The following SLC12A5 variants were observed in gnomAD, a reference collection of about 807,000 sequenced individuals.
SLC12A5 encodes solute carrier family 12 member 5.
SLC12A5 carries 18 observed loss-of-function variants against 124.0 expected under a neutral mutation model. The observed-to-expected ratio is 0.15, with a 90% CI of 0.10 to 0.22. The LOEUF is 0.22. Ranked by LOEUF, SLC12A5 falls within the 10% of genes least tolerant of loss-of-function variation. The pLI is 1.00. For missense variants in SLC12A5, 867 were observed against 1,478.7 expected, an observed-to-expected ratio of 0.59 and a Z score of 6.78; for synonymous variants, 589 against 568.0, an observed-to-expected ratio of 1.04 and a Z score of -0.53.
chr20:46,029,157 C>T (rs1458854018), upstream of SLC12A5: 15 of 1,402,590 alleles, frequency 1.1e-5, no homozygotes, highest in Non-Finnish European at 1.2e-5. Flanking sequence ...TGAGAGGGGG[C>T]GCGCGCGGGT....
intron 7 of SLC12A5, 134 bp from the exon 8 acceptor site, chr20:46,041,195 A>C: frequency 1.4e-6 from 1 of 719,002 alleles, no homozygotes; most frequent in Non-Finnish European, 2.3e-6. Context: ...GCCAGGCTTC[A>C]TTTAAATTAA....
intron 8 of SLC12A5, 128 bp from the exon 9 acceptor site, chr20:46,043,025 A>C (rs577133023): frequency 1.1e-6 from 1 of 902,372 alleles, no homozygotes; most frequent in East Asian, 2.4e-5. Context: ...AATGAAATAG[A>C]GATAAGGCCG....
intron 1 of SLC12A5, among the ~76,000 whole-genome samples, chr20:46,022,429 G>A (rs770989150): frequency 5.8e-5 from 8 of 137,834 alleles, no homozygotes; most frequent in Non-Finnish European, 9.4e-5. Flanking sequence ...GGGTGGGGTC[G>A]AGGGCGGGAG....
chr20:46,022,702 C>T, intron 1 of SLC12A5: 1 of 397,954 alleles, frequency 2.5e-6, no homozygotes, highest in Non-Finnish European at 4.4e-6. Context: ...GGAGCCAGCT[C>T]AGGCGGGGTT....
In SLC12A5 at chr20:46,049,676, C is replaced by T. The variant is rs1383910539; in HGVS notation, c.2067C>T (p.Pro689=). Residue 689 remains proline (P), a synonymous_variant, in exon 17 of 26, where the codon CCC becomes CCT. Transcript: ENST00000243964. The part of the protein sequence containing the change: ...RVDQDQNVVH[P]QLLSLTSQLK... ...ACCAAGACCAGAATGTGGTGCACCC[C>T]CAGCTGCTCTCACTGACCTCCCAGC... 1.9e-6 allele frequency: 3 copies of T among 1,606,234 alleles called. No homozygotes were observed. The highest frequency in any genetic ancestry group is 2.5e-6 in the Non-Finnish European group (3 of 1,176,670).
chr20:46,055,989 T>C (rs2084687200), intron 21 of SLC12A5, 161 bp from the exon 22 acceptor site: 1 of 964,410 alleles, frequency 1.0e-6, no homozygotes, highest in African/African-American at 1.7e-5. Flanking sequence ...GGCAGATCAG[T>C]GGTGCAGTAG....
At chr20:46,055,303 G>A (rs1483931131) in intron 21 of SLC12A5, among the ~76,000 whole-genome samples, 1 of 152,202 alleles carries the variant, frequency 6.6e-6, no homozygotes, top group East Asian at 1.9e-4. Flanking sequence ...AAGAGTGGAT[G>A]CTAAATACGT....
chr20:46,051,199 T>C (rs2084643145), intron 17 of SLC12A5, among the ~76,000 whole-genome samples: 1 of 152,208 alleles, frequency 6.6e-6, no homozygotes, highest in African/African-American at 2.4e-5. Flanking sequence ...ATTTCCCTCA[T>C]AGTACAGTTT....
chr20:46,046,856 A>T (rs954203966), intron 14 of SLC12A5, among the ~76,000 whole-genome samples: 2 of 152,222 alleles, frequency 1.3e-5, no homozygotes, highest in African/African-American at 4.8e-5. Context: ...GGTTCTTGTG[A>T]GGACTACAGT....
At chr20:46,023,010 G>A (rs976441682) in exon 2 of SLC12A5, 3 of 405,748 alleles carry the variant, frequency 7.4e-6, no homozygotes, top group Non-Finnish European at 1.3e-5. Context: ...AGGAAGAGGA[G>A]GAGGAGGAGA....
chr20:46,036,547 G>T, intron 4 of SLC12A5, 194 bp from the exon 5 acceptor site: 1 of 506,532 alleles, frequency 2.0e-6, no homozygotes, highest in South Asian at 2.3e-5. Flanking sequence ...GGCTCCTTCC[G>T]TTCGCATGGT....
At position 46,053,591 on chromosome 20, in the gene SLC12A5, G is replaced by C. The variant is rs1275771310; in HGVS notation, c.2561G>C (p.Cys854Ser). The C allele has an allele frequency of 1.2e-6, 2 of 1,613,916 alleles. No homozygotes were observed. The highest frequency in any genetic ancestry group is 1.7e-6 in the Non-Finnish European group (2 of 1,179,846). ...CATCGCCTGCAGGTCTGGCGGAAGTGCAAGATGCGTATCTTCACTGTGGCC... is the reference window on the plus strand; with the variant it reads ...CATCGCCTGCAGGTCTGGCGGAAGTCCAAGATGCGTATCTTCACTGTGGCC... ...LLRHHKVWRK[C>S]KMRIFTVAQM... The change falls in exon 20 of 26, where the codon TGC becomes TCC. Residue 854 changes from cysteine to serine, a missense_variant. By Grantham distance (112) the Cys-to-Ser change is moderately radical. Around this residue, in one of 9 missense-constraint regions of SLC12A5, gnomAD observed 70 missense variants for 157.2 expected, o/e 0.45. Coordinates refer to ENST00000243964, the MANE Select transcript of SLC12A5 (RefSeq NM_020708.5). This position sits in a 1 kb window ranked among gnomAD's most constrained non-coding sequence, Gnocchi z 4.7.
At chr20:46,035,065 CCCCCA>C (rs1416945988) in intron 2 of SLC12A5, 23 bp downstream of exon 2, 1 of 1,606,094 alleles carries the variant, frequency 6.2e-7, no homozygotes, top group African/African-American at 1.3e-5. Context: ...GGCTGTTGGG[CCCCCA>C]CCTACAATTC....
In SLC12A5 at chr20:46,057,590, C is replaced by T. The variant is rs2084708296; in HGVS notation, c.3336C>T (p.Ile1112=). The part of the protein sequence containing the change: ...MLVRGGGREV[I]TIYS ...TCCGCGGCGGCGGCCGCGAGGTCAT[C>T]ACCATCTACTCCTGAGAACCAGGAC... Residue 1112 remains isoleucine (I), a synonymous_variant, in exon 26 of 26, where the codon ATC becomes ATT. Coordinates refer to ENST00000243964, the MANE Select transcript of SLC12A5 (RefSeq NM_020708.5). This position sits in a 1 kb window ranked among gnomAD's most constrained non-coding sequence, Gnocchi z 7.1. 6.2e-7 allele frequency: 1 copy of T among 1,613,784 alleles called. No homozygotes were observed. Among genetic ancestry groups the T allele is most frequent in the Middle Eastern group, 1.7e-4 (1 of 6,052 alleles).
chr20:46,050,053 T>C (rs1037831144), intron 17 of SLC12A5, among the ~76,000 whole-genome samples: 2 of 152,226 alleles, frequency 1.3e-5, no homozygotes, highest in African/African-American at 4.8e-5. Context: ...GTCATATGTC[T>C]AAGGACAGAA....
At chr20:46,023,836 C>A (rs111649800), downstream of SLC12A5, among the ~76,000 whole-genome samples, 17 of 152,068 alleles carry the variant, frequency 1.1e-4, 3 homozygotes, top group African/African-American at 3.9e-4. Flanking sequence ...TCTCCTTTAT[C>A]TTTGTGTTCT....
chr20:46,056,085 A>G lies in SLC12A5; in HGVS notation c.2788-65A>G. 6.3e-7 allele frequency: 1 copy of G among 1,598,118 alleles called. No homozygotes were observed. ...CTGGCTGAACATCATCTCTGGTGAT[A>G]GCTCTTTGCAGGGCATGGGTGGTGA... On this transcript the variant is annotated intron_variant, in intron 21 of 25. Transcript: ENST00000243964. The surrounding 1 kb of genome is among the most constrained non-coding windows in gnomAD (Gnocchi z 4.3).
At chr20:46,044,504 A>AGAGAT (rs2084576109) in intron 11 of SLC12A5, among the ~76,000 whole-genome samples, 1 of 152,200 alleles carries the variant, frequency 6.6e-6, no homozygotes, top group African/African-American at 2.4e-5. Context: ...AAGGCTGAGC[A>AGAGAT]GAGATTAGGC....
At chr20:46,049,939 G>C in intron 17 of SLC12A5, 149 bp downstream of exon 17, 1 of 1,068,772 alleles carries the variant, frequency 9.4e-7, no homozygotes, top group South Asian at 1.7e-5. Context: ...GAGCCTAAGA[G>C]CCTAGACAGT....
Sources: gnomAD v4.1 joint callset for allele counts (sites outside exome capture counted in the v4.1 genomes callset) on GRCh38, gnomAD v4.1.1 for gene constraint, gnomAD v4.1.1 regional missense constraint, Gnocchi (gnomAD v3.1) non-coding constraint, MANE v1.5 for transcripts, NCBI Gene and HGNC (gene_info 2026-07-23, HGNC 2026-07-21) for gene names.